Variants in CA13 observed in about 807,000 individuals in gnomAD.
The protein encoded by CA13 is carbonic anhydrase 13.
A neutral mutation model predicts 31.5 loss-of-function variants in CA13; 21 were observed. The observed-to-expected ratio is 0.67, with a 90% confidence interval of 0.47 to 0.96. The LOEUF is 0.96. Among genes scored for constraint, CA13 ranks in the 40% least tolerant of loss-of-function variants. The pLI is 0.00. For synonymous variants in CA13, 117 were observed against 111.4 expected (o/e 1.05, Z -0.32); for missense variants, 315 against 318.9 (o/e 0.99, Z 0.09).
intron 1 of CA13, among the ~76,000 whole-genome samples, chr8:85,249,494 C>CAA (rs375419895): frequency 2.5e-3 from 317 of 127,616 alleles, no homozygotes; most frequent in East Asian, 4.1e-3. Flanking sequence ...GACCCTGTCT[C>CAA]AAAAAAAAAA....
At chr8:85,275,729 G>A (rs1437531539) in intron 6 of CA13, among the ~76,000 whole-genome samples, 3 of 152,136 alleles carry the variant, frequency 2.0e-5, no homozygotes, top group Non-Finnish European at 4.4e-5. Flanking sequence ...GTCCCATTAC[G>A]ACTACCGGAT....
chr8:85,266,558 T>C (rs748034015), intron 3 of CA13, 50 bp from the exon 4 acceptor site: 1 of 1,375,398 alleles, frequency 7.3e-7, no homozygotes, highest in African/African-American at 1.4e-5. Flanking sequence ...TTTATGTTTT[T>C]CAGGATGTCT....
intron 3 of CA13, 58 bp downstream of exon 3, chr8:85,259,597 G>A: frequency 2.9e-6 from 4 of 1,380,504 alleles, no homozygotes; most frequent in Non-Finnish European, 4.1e-6. Flanking sequence ...AATTTAAGGG[G>A]TACAGAGACA....
In CA13 at chr8:85,274,228, C is replaced by T. The variant is rs539756575; in HGVS notation, c.669+5601C>T. Among the ~76,000 whole-genome samples the T allele has an allele frequency of 2.0e-5, 3 of 152,250 alleles. No homozygotes were observed. In the South Asian group the frequency reaches 6.2e-4, roughly 32 times the overall value. On this transcript the variant is annotated intron_variant, in intron 6 of 6. Coordinates refer to ENST00000321764, the MANE Select transcript of CA13 (RefSeq NM_198584.3). ...TTCTCAATAACTACTTCAGGCGTGA[C>T]ATAGGGGTGGCGTGAGCACCTTGGA... is the stretch of plus-strand genomic sequence containing the variant.
intron 5 of CA13, 73 bp downstream of exon 5, chr8:85,268,037 C>A: frequency 1.0e-6 from 1 of 970,272 alleles, no homozygotes; most frequent in Non-Finnish European, 1.6e-6. Flanking sequence ...CCTTTAAAGA[C>A]TTAGACATAT....
Position 85,245,716 on chromosome 8 carries a change from C to A in CA13, c.-113C>A. 1 of 1,259,212 alleles carries A rather than the reference C, an allele frequency of 7.9e-7. No individual in the cohort carries two copies. 78.0% of individuals were successfully genotyped at this position (1,259,212 alleles called of 1,614,324 possible). ...CCGGGTTCACGGTCTCGCACTCCTG[C>A]CGCCGGCGCCCCGCGGTCCCGCCCT... On this transcript the variant is annotated 5_prime_UTR_variant, in exon 1 of 7. Coordinates refer to ENST00000321764, the MANE Select transcript of CA13 (RefSeq NM_198584.3).
chr8:85,245,997 G>A lies in CA13; in HGVS notation c.37+132G>A. On this transcript the variant is annotated intron_variant, in intron 1 of 6. Transcript: ENST00000321764. ...CTTTTTCGGTTCCTCTTTAAACTAAGCAGCACTCCTGGGAGCCCAGTGCGA... is the reference window on the plus strand; with the variant it reads ...CTTTTTCGGTTCCTCTTTAAACTAAACAGCACTCCTGGGAGCCCAGTGCGA... 3 of 819,576 alleles carry A rather than the reference G, an allele frequency of 3.7e-6. No individual in the cohort carries two copies. The South Asian group carries it at 4.4e-5, about 12-fold the overall frequency. The allele number at this position is 819,576 out of a possible 1,614,324, so 50.8% of individuals were successfully genotyped here.
At chr8:85,271,445 G>C (rs1807524895) in intron 6 of CA13, among the ~76,000 whole-genome samples, 1 of 152,074 alleles carries the variant, frequency 6.6e-6, no homozygotes, top group Non-Finnish European at 1.5e-5. Flanking sequence ...TTCTCTTTCA[G>C]AGTCACTCAT....
chr8:85,246,754 A>G (rs181070994), intron 1 of CA13, among the ~76,000 whole-genome samples: 10 of 152,326 alleles, frequency 6.6e-5, no homozygotes, highest in Admixed American at 2.0e-4. Context: ...TAACTGTCAA[A>G]ATTAAGGCTT....
intron 6 of CA13, among the ~76,000 whole-genome samples, chr8:85,278,150 C>T (rs1807644086): frequency 6.6e-6 from 1 of 150,896 alleles, no homozygotes; most frequent in African/African-American, 2.4e-5. Flanking sequence ...TATATAACCT[C>T]AGCTACTCCG....
intron 2 of CA13, among the ~76,000 whole-genome samples, chr8:85,256,215 A>T (rs937624806): frequency 1.3e-5 from 2 of 152,302 alleles, no homozygotes; most frequent in South Asian, 2.1e-4. Flanking sequence ...CTTTATTTTT[A>T]AAAAATTTGT....
At chr8:85,277,655 G>A (rs1435006189) in intron 6 of CA13, among the ~76,000 whole-genome samples, 2 of 152,156 alleles carry the variant, frequency 1.3e-5, no homozygotes, top group African/African-American at 2.4e-5. Context: ...CCCTGAGAGC[G>A]CGCCAACAGC....
chr8:85,245,808 T>G lies in CA13; in HGVS notation c.-21T>G, dbSNP rs778870555. On this transcript the variant is annotated 5_prime_UTR_variant, in exon 1 of 7. Transcript: ENST00000321764. ...CTCGCTGCTCAGTCACATCTTTCTC[T>G]TCCTTCCACCCCGAGGGACCATGTC... 5 of 1,613,650 alleles carry G rather than the reference T, an allele frequency of 3.1e-6. No homozygotes were observed. In the South Asian group the frequency reaches 5.5e-5, roughly 18 times the overall value.
rs369849769 is a variant in CA13, at chr8:85,268,422, A to T, written c.514-50A>T. 1.0e-4 allele frequency: 156 copies of T among 1,560,610 alleles called. No individual in the cohort carries two copies. The Middle Eastern group carries it at 1.0e-3, about 10-fold the overall frequency. ...CATGGATGTATGTTTTTTGAGGTCT[A>T]TGTAGAGCTATCCCATTGTAATTTG... On this transcript the variant is annotated intron_variant, in intron 5 of 6. Transcript: ENST00000321764.
At chr8:85,274,997 T>C (rs1247632475) in intron 6 of CA13, among the ~76,000 whole-genome samples, 1 of 152,206 alleles carries the variant, frequency 6.6e-6, no homozygotes, top group Non-Finnish European at 1.5e-5. Context: ...AGGGATAAGG[T>C]AGCCATGAGT....
At chr8:85,254,772 G>GTTTTTT (rs10658651) in intron 2 of CA13, among the ~76,000 whole-genome samples, 131 of 122,638 alleles carry the variant, frequency 1.1e-3, no homozygotes, top group African/African-American at 3.4e-3. Context: ...AGTTAAACAA[G>GTTTTTT]TTTTTTTTTT....
rs1304092659 is a variant in CA13 at position 85,282,270 on chromosome 8, T to C, written c.*921T>C. ...CTCCACTGATCAAAAATATTCCATA[T>C]AGTCTTGGTGAGGAATTCCCCAGGA... On this transcript the variant is annotated 3_prime_UTR_variant, in exon 7 of 7. Transcript: ENST00000321764. 1 of 152,656 alleles carries C rather than the reference T, an allele frequency of 6.6e-6. No homozygotes were observed. Among genetic ancestry groups the C allele is most frequent in the African/African-American group, 2.4e-5 (1 of 41,458 alleles). 9.5% of individuals were successfully genotyped at this position (152,656 alleles called of 1,614,324 possible). A position where few individuals can be genotyped will look rare whatever the true frequency, so the allele number is the denominator to read the frequency against.
Position 85,245,811 on chromosome 8 carries a change from C to G in CA13, c.-18C>G, listed in dbSNP as rs1285867851. The G allele has an allele frequency of 6.2e-7, 1 of 1,614,016 alleles. No individual in the cohort carries two copies. The highest frequency in any genetic ancestry group is 1.1e-5 in the South Asian group (1 of 91,076). ...GCTGCTCAGTCACATCTTTCTCTTC[C>G]TTCCACCCCGAGGGACCATGTCGAG... is the stretch of plus-strand genomic sequence containing the variant. On this transcript the variant is annotated 5_prime_UTR_variant, in exon 1 of 7. Transcript: ENST00000321764.
intron 3 of CA13, among the ~76,000 whole-genome samples, chr8:85,259,846 A>G (rs1050321609): frequency 6.6e-6 from 1 of 152,196 alleles, no homozygotes; most frequent in African/African-American, 2.4e-5. Context: ...TTAAATCTAG[A>G]TCTGTCTGAT....
Sources: allele counts gnomAD v4.1 joint callset (sites outside exome capture counted in the v4.1 genomes callset), GRCh38; gene constraint gnomAD v4.1.1; transcripts MANE v1.5; gene names NCBI Gene and HGNC (gene_info 2026-07-23, HGNC 2026-07-21).